The following CEP290 variants were observed in gnomAD, a reference collection of about 807,000 sequenced individuals.
The protein encoded by CEP290 is centrosomal protein 290.
In CEP290, 317 loss-of-function variants were observed where a neutral mutation model predicts 344.9. The observed-to-expected ratio is 0.92, with a 90% CI of 0.84 to 1.01. The LOEUF is 1.01. CEP290 is among the 50% of genes least tolerant of loss of function. The pLI is 0.00. For missense variants in CEP290, 2,754 were observed against 2,761.4 expected, an observed-to-expected ratio of 1.00 and a Z score of 0.06; for synonymous variants, 932 against 895.8, an observed-to-expected ratio of 1.04 and a Z score of -0.72.
rs2039953364 is a variant in CEP290, at chr12:88,129,734, A to G, written c.812T>C (p.Ile271Thr). 6.8e-7 allele frequency: 1 copy of G among 1,473,394 alleles called. No homozygotes were observed. The highest frequency in any genetic ancestry group is 9.1e-7 in the Non-Finnish European group (1 of 1,096,960). 91.3% of individuals were successfully genotyped at this position (1,473,394 alleles called of 1,614,324 possible). The change falls in exon 10 of 54, where the codon ATA (isoleucine) becomes ACA (threonine). Residue 271 changes from isoleucine to threonine, a missense_variant. By Grantham distance (89) the Ile-to-Thr change is moderately conservative (BLOSUM62 -1). Transcript: ENST00000552810. The part of the protein sequence containing the change: ...KAIVHQTDNV[I>T]DQLKKENDHY... ...ATCGTTTTCTTTTTTTAACTGATCT[A>G]TTACATTATCTGTCTGATGCACAAT... is the stretch of plus-strand genomic sequence containing the variant.
intron 52 of CEP290, among the ~76,000 whole-genome samples, chr12:88,053,173 ATGTG>A (rs1163626236): frequency 1.6e-4 from 24 of 152,154 alleles, no homozygotes; most frequent in Non-Finnish European, 1.8e-4. Context: ...TATACAAAAT[ATGTG>A]TGTATGTATA....
In CEP290 at chr12:88,093,763, A is replaced by G; in HGVS notation, c.3309+7T>C. 1 of 1,585,714 alleles carries G rather than the reference A, an allele frequency of 6.3e-7. No homozygotes were observed. Among genetic ancestry groups the G allele is most frequent in the Non-Finnish European group, 8.6e-7 (1 of 1,162,024 alleles). On this transcript the variant is annotated splice_region_variant and intron_variant, in intron 28 of 53. Transcript: ENST00000552810. ...ATAATTGTATGATAAAACTTATAATATCAAACCTCAGCAAATTTGGTTTCC... is the reference window on the plus strand; with the variant it reads ...ATAATTGTATGATAAAACTTATAATGTCAAACCTCAGCAAATTTGGTTTCC...
chr12:88,102,969 C>T lies in CEP290; in HGVS notation c.2860G>A (p.Asp954Asn). 5.7e-6 allele frequency: 9 copies of T among 1,581,514 alleles called. No individual in the cohort carries two copies. Among genetic ancestry groups the T allele is most frequent in the Non-Finnish European group, 6.8e-6 (8 of 1,168,586 alleles). Residue 954 changes from aspartate (D) to asparagine (N), a missense_variant, in exon 26 of 54, where the codon GAT (aspartate) becomes AAT (asparagine). Coordinates refer to ENST00000552810, the MANE Select transcript of CEP290 (RefSeq NM_025114.4). Reference protein sequence around the residue: ...FKIAALQKVVDNSVSLSELEL... With the variant: ...FKIAALQKVVNNSVSLSELEL... ...AGTTCAGACAAAGAAACACTATTAT[C>T]TACAACTTTTTGGAGAGCTGCAATC...
intron 12 of CEP290, among the ~76,000 whole-genome samples, chr12:88,125,750 C>T (rs573627539): frequency 1.3e-5 from 2 of 152,100 alleles, no homozygotes; most frequent in South Asian, 2.1e-4. Flanking sequence ...TTTCCCCTTT[C>T]GTACTTTATT....
intron 39 of CEP290, 92 bp downstream of exon 39, chr12:88,079,000 A>G (rs1268356478): frequency 1.8e-6 from 2 of 1,110,098 alleles, no homozygotes; most frequent in African/African-American, 3.3e-5. Context: ...TAAATTCCCT[A>G]TTCATCAACA....
At chr12:88,074,450 A>G (rs189821699) in intron 41 of CEP290, among the ~76,000 whole-genome samples, 34 of 152,288 alleles carry the variant, frequency 2.2e-4, no homozygotes, top group Admixed American at 5.9e-4. Flanking sequence ...CCAAGACTGA[A>G]AGAACAATTG....
rs559273854 is a variant in CEP290 at position 88,108,075 on chromosome 12, C to G, written c.2484-977G>C. On this transcript the variant is annotated intron_variant, in intron 23 of 53. Transcript: ENST00000552810. ...CATATATAGAACACCATGTTGTATA[C>G]CATAAATTCTTGTGAATTTAAAAAG... 3.1e-4 allele frequency among the ~76,000 whole-genome samples: 47 copies of G among 151,650 alleles called. No homozygotes were observed. In the East Asian group the frequency reaches 7.6e-3, roughly 24 times the overall value.
intron 5 of CEP290, among the ~76,000 whole-genome samples, chr12:88,138,129 C>G (rs747690000): frequency 2.0e-5 from 3 of 152,192 alleles, no homozygotes; most frequent in Admixed American, 6.5e-5. Flanking sequence ...ATTATTCCCA[C>G]TATGCCTGTC....
At chr12:88,115,452 CTT>C (rs1565891628) in intron 18 of CEP290, 13 of 1,288,766 alleles carry the variant, frequency 1.0e-5, no homozygotes, top group Non-Finnish European at 1.2e-5. Context: ...ACAATCATCT[CTT>C]TTAATGTTCT....
intron 6 of CEP290, chr12:88,135,856 C>T (rs1375115266): frequency 6.6e-6 from 1 of 151,922 alleles, no homozygotes; most frequent in African/African-American, 2.4e-5. Context: ...CACATGTAGG[C>T]ACCAAATTTT....
chr12:88,136,558 T>C, intron 6 of CEP290, 85 bp downstream of exon 6: 1 of 1,309,356 alleles, frequency 7.6e-7, no homozygotes. Context: ...TAACATACAA[T>C]ATAAAAATTG....
chr12:88,082,192 T>A (rs567429443), intron 37 of CEP290, among the ~76,000 whole-genome samples: 1 of 152,318 alleles, frequency 6.6e-6, no homozygotes, highest in East Asian at 1.9e-4. Context: ...TATAAACCTA[T>A]TTTGAGTTTA....
In CEP290 at chr12:88,106,914, A is replaced by AG; in HGVS notation, c.2587-10dup. ...AGAGCATTGAGCAAATTCTGCACAA[A>AG]GACACATCCATATTACTTGTTGAAT... On this transcript the variant is annotated splice_polypyrimidine_tract_variant and intron_variant, in intron 24 of 53. Coordinates refer to ENST00000552810, the MANE Select transcript of CEP290 (RefSeq NM_025114.4). 6.3e-7 allele frequency: 1 copy of AG among 1,591,930 alleles called. No individual in the cohort carries two copies. The highest frequency in any genetic ancestry group is 8.6e-7 in the Non-Finnish European group (1 of 1,166,360).
At chr12:88,093,644 C>G in intron 28 of CEP290, 126 bp downstream of exon 28, 1 of 632,102 alleles carries the variant, frequency 1.6e-6, no homozygotes, top group Non-Finnish European at 2.7e-6. Flanking sequence ...ATTTATTACA[C>G]AAAACATAGG....
At chr12:88,116,973 CAA>C (rs890305929) in intron 18 of CEP290, 58 bp downstream of exon 18, 29,385 of 519,008 alleles carry the variant, frequency 0.057, no homozygotes, top group Middle Eastern at 0.068. Context: ...GACTCCGTCT[CAA>C]AAAAAAAAAA....
At chr12:88,122,317 C>T (rs1454816147) in intron 13 of CEP290, among the ~76,000 whole-genome samples, 1 of 152,146 alleles carries the variant, frequency 6.6e-6, no homozygotes, top group Non-Finnish European at 1.5e-5. Flanking sequence ...TGCCCCTCTT[C>T]CTCTGTCTTG....
At chr12:88,135,007 C>A (rs929296546) in intron 6 of CEP290, among the ~76,000 whole-genome samples, 1 of 152,114 alleles carries the variant, frequency 6.6e-6, no homozygotes, top group African/African-American at 2.4e-5. Context: ...GTATCTCTCT[C>A]CAGAGTATGC....
intron 11 of CEP290, 90 bp downstream of exon 11, chr12:88,128,856 C>A (rs2039890764): frequency 4.4e-6 from 3 of 687,568 alleles, no homozygotes; most frequent in Non-Finnish European, 6.8e-6. Flanking sequence ...GTGTTATAAA[C>A]CAGTATAAGA....
At chr12:88,080,105 T>C (rs2036082544) in intron 38 of CEP290, 77 bp downstream of exon 38, 9 of 958,944 alleles carry the variant, frequency 9.4e-6, no homozygotes, top group Non-Finnish European at 1.2e-5. Context: ...CCATCTTTTA[T>C]AAATTTACAA....
Sources: allele counts gnomAD v4.1 joint callset (sites outside exome capture counted in the v4.1 genomes callset), GRCh38; gene constraint gnomAD v4.1.1; transcripts MANE v1.5; gene names NCBI Gene and HGNC (gene_info 2026-07-23, HGNC 2026-07-21).